Variants in CFAP52 observed in about 807,000 individuals in gnomAD.
CFAP52 encodes cilia and flagella associated protein 52, also known as cilia- and flagella-associated protein 52.
Under a neutral mutation model 70.5 loss-of-function variants are expected in CFAP52, and 57 were observed. The ratio of observed to expected loss-of-function variants is 0.81; its 90% CI spans 0.65 to 1.01. CFAP52 has a LOEUF of 1.01. Ranked by LOEUF, CFAP52 falls within the 50% of genes least tolerant of loss-of-function variation. CFAP52 has a pLI of 0.00. For missense variants in CFAP52, 785 were observed against 788.5 expected (o/e 1.00, Z 0.05); for synonymous variants, 267 against 292.5 (o/e 0.91, Z 0.89).
At chr17:9,597,338 G>A (rs1046448249) in intron 4 of CFAP52, among the ~76,000 whole-genome samples, 1 of 151,930 alleles carries the variant, frequency 6.6e-6, no homozygotes, top group South Asian at 2.1e-4. Flanking sequence ...GTAATATATT[G>A]TATACTTGAA....
At chr17:9,640,475 TGTAA>T (rs968849377) in intron 12 of CFAP52, among the ~76,000 whole-genome samples, 45 of 150,234 alleles carry the variant, frequency 3.0e-4, no homozygotes, top group African/African-American at 1.0e-3. Context: ...AGCTTCCACT[TGTAA>T]GTGAGAACAT....
At chr17:9,588,640 G>T (rs1186740712) in intron 3 of CFAP52, among the ~76,000 whole-genome samples, 1 of 152,146 alleles carries the variant, frequency 6.6e-6, no homozygotes, top group African/African-American at 2.4e-5. Context: ...CTTGTTTCAG[G>T]TCTTAGTGGA....
chr17:9,596,057 G>GTATATATATATATATA (rs1322554543), intron 4 of CFAP52, among the ~76,000 whole-genome samples: 1 of 103,592 alleles, frequency 9.7e-6, no homozygotes, highest in African/African-American at 4.1e-5. Flanking sequence ...ATATATGTGT[G>GTATATATATATATATA]TGTATATATA....
chr17:9,600,418 T>C (rs1017290728), intron 6 of CFAP52, among the ~76,000 whole-genome samples: 5 of 151,242 alleles, frequency 3.3e-5, no homozygotes, highest in Admixed American at 6.6e-5. Flanking sequence ...ATTTTTGTAT[T>C]TTTTAGTACA....
intron 5 of CFAP52, among the ~76,000 whole-genome samples, chr17:9,599,783 C>T (rs898502877): frequency 1.3e-5 from 2 of 151,932 alleles, no homozygotes; most frequent in Non-Finnish European, 2.9e-5. Context: ...CTCTTGTTGC[C>T]CAGGCTGGAG....
chr17:9,602,629 G>A (rs913358988), intron 6 of CFAP52, among the ~76,000 whole-genome samples: 28 of 152,070 alleles, frequency 1.8e-4, no homozygotes, highest in African/African-American at 6.5e-4. Context: ...GAGTATATAC[G>A]CAGTAATGGG....
intron 7 of CFAP52, among the ~76,000 whole-genome samples, chr17:9,608,452 C>T (rs11653066): frequency 0.22 from 33,453 of 152,160 alleles, 3,881 homozygotes; most frequent in East Asian, 0.41. Context: ...AGGGACACTG[C>T]CCATTTAATA....
intron 6 of CFAP52, among the ~76,000 whole-genome samples, chr17:9,607,901 A>G (rs1909558855): frequency 6.6e-6 from 1 of 152,186 alleles, no homozygotes; most frequent in Non-Finnish European, 1.5e-5. Flanking sequence ...CAGAACCTTC[A>G]TGAACATCCT....
intron 9 of CFAP52, among the ~76,000 whole-genome samples, chr17:9,629,071 T>C (rs891961033): frequency 1.3e-5 from 2 of 152,272 alleles, no homozygotes; most frequent in Admixed American, 1.3e-4. Context: ...TTCTCTCTAG[T>C]AGGAAAATTT....
At chr17:9,589,248 A>G (rs1036152850) in intron 3 of CFAP52, among the ~76,000 whole-genome samples, 4 of 152,202 alleles carry the variant, frequency 2.6e-5, no homozygotes, top group Non-Finnish European at 5.9e-5. Flanking sequence ...GTACACTTCT[A>G]TGTATATTTT....
In CFAP52 at chr17:9,643,183, C is replaced by A; in HGVS notation, c.1848C>A (p.Tyr616Ter). 6.2e-7 allele frequency: 1 copy of A among 1,609,924 alleles called. No individual in the cohort carries two copies. Among genetic ancestry groups the A allele is most frequent in the Admixed American group, 1.7e-5 (1 of 59,384 alleles). Residue 616 changes from tyrosine to a stop codon, truncating the protein, a stop_gained, in exon 14 of 14, where the codon TAC (tyrosine) becomes TAA (stop). Coordinates refer to ENST00000352665, the MANE Select transcript of CFAP52 (RefSeq NM_145054.5). LOFTEE classifies it high-confidence loss of function. ...ATGGAGCCATTTTGCGATGGAAGTA[C>A]CCATATACCTCCTGAAGCTGATGAG... ...SADGAILRWKYPYTS is the reference protein window; with the variant it reads ...SADGAILRWK
At chr17:9,641,084 A>C (rs926204687) in intron 12 of CFAP52, among the ~76,000 whole-genome samples, 4 of 152,200 alleles carry the variant, frequency 2.6e-5, no homozygotes, top group Admixed American at 1.3e-4. Flanking sequence ...ACAAAGTTTA[A>C]GGTACAAAGG....
rs1411876400 is a variant in CFAP52 at position 9,612,296 on chromosome 17, C to T, written c.855-13C>T. 1 of 1,612,354 alleles carries T rather than the reference C, an allele frequency of 6.2e-7. No individual in the cohort carries two copies. Among genetic ancestry groups the T allele is most frequent in the East Asian group, 2.2e-5 (1 of 44,848 alleles). On this transcript the variant is annotated splice_polypyrimidine_tract_variant and intron_variant, in intron 7 of 13. Coordinates refer to ENST00000352665, the MANE Select transcript of CFAP52 (RefSeq NM_145054.5). The stretch of plus-strand genomic sequence containing the variant: ...TGAGTGAATCTACTTTACTTTTGTG[C>T]TTCTCCCTAAAGGAAGATTCAGTTA...
chr17:9,644,487 T>C (rs1248538334), downstream of CFAP52, among the ~76,000 whole-genome samples: 1 of 151,726 alleles, frequency 6.6e-6, no homozygotes, highest in Non-Finnish European at 1.5e-5. Flanking sequence ...GCATCTCACA[T>C]GGTGCTGATC....
intron 1 of CFAP52, chr17:9,584,437 T>G (rs913200597): frequency 8.5e-7 from 1 of 1,179,378 alleles, no homozygotes; most frequent in Non-Finnish European, 1.1e-6. Context: ...GAGGCATACT[T>G]GACATATTAA....
At chr17:9,598,054 G>A (rs1441028928) in intron 4 of CFAP52, among the ~76,000 whole-genome samples, 180 bp from the exon 5 acceptor site, 4 of 151,966 alleles carry the variant, frequency 2.6e-5, no homozygotes, top group African/African-American at 7.3e-5. Context: ...TGGGAGGGGG[G>A]ATCATAAAAC....
Position 9,580,369 on chromosome 17 carries a change from T to C in CFAP52, c.70+3604T>C, listed in dbSNP as rs867260910. 1.1e-3 allele frequency among the ~76,000 whole-genome samples: 153 copies of C among 145,538 alleles called. 1 individual carries two copies. The highest frequency in any genetic ancestry group is 3.4e-3 in the African/African-American group (135 of 39,750). On this transcript the variant is annotated intron_variant, in intron 1 of 13. Coordinates refer to ENST00000352665, the MANE Select transcript of CFAP52 (RefSeq NM_145054.5). ...CTGTAAATAGGTAAATAAATATAAA[T>C]GGCTATTAGCTCAAAAAGCTTAAAA... is the stretch of plus-strand genomic sequence containing the variant.
intron 12 of CFAP52, among the ~76,000 whole-genome samples, chr17:9,639,973 A>C (rs1474845735): frequency 6.6e-6 from 1 of 152,170 alleles, no homozygotes; most frequent in Non-Finnish European, 1.5e-5. Flanking sequence ...GGGTTCTGGC[A>C]TGGTTTTCTA....
At chr17:9,640,067 AAT>A (rs2151954011) in intron 12 of CFAP52, among the ~76,000 whole-genome samples, 1 of 152,340 alleles carries the variant, frequency 6.6e-6, no homozygotes, top group South Asian at 2.1e-4. Flanking sequence ...AAAAGAAAAA[AAT>A]TAACAAGAAA....
Sources: allele counts gnomAD v4.1 joint callset (sites outside exome capture counted in the v4.1 genomes callset), GRCh38; gene constraint gnomAD v4.1.1; transcripts MANE v1.5; gene names NCBI Gene and HGNC (gene_info 2026-07-23, HGNC 2026-07-21).